The following DNAJB6 variants were observed in gnomAD, a reference collection of about 807,000 sequenced individuals.
DNAJB6 encodes the protein DnaJ heat shock protein family (Hsp40) member B6, also known as dnaJ homolog subfamily B member 6.
DNAJB6 carries 16 observed loss-of-function variants against 42.7 expected under a neutral mutation model. The observed-to-expected ratio is 0.37, with a 90% confidence interval of 0.25 to 0.57. The LOEUF (loss-of-function observed/expected upper bound fraction) is 0.57. Ranked by LOEUF, DNAJB6 falls within the 20% of genes least tolerant of loss-of-function variation. The pLI is 0.74. For synonymous variants in DNAJB6, 170 were observed against 163.5 expected (o/e 1.04, Z -0.30); for missense variants, 347 against 416.8 (o/e 0.83, Z 1.46).
chr7:157,341,927 C>T (rs1185759063), intron 1 of DNAJB6, among the ~76,000 whole-genome samples: 8 of 151,910 alleles, frequency 5.3e-5, no homozygotes, highest in African/African-American at 1.9e-4. Flanking sequence ...AGTGCAGTGT[C>T]GCGATCTTGG....
chr7:157,385,305 T>G (rs541393582), intron 7 of DNAJB6, among the ~76,000 whole-genome samples: 1 of 152,372 alleles, frequency 6.6e-6, no homozygotes, highest in South Asian at 2.1e-4. Flanking sequence ...TTATAGCCTC[T>G]GCATGTATTT....
At chr7:157,370,048 G>GAC (rs1563128851) in intron 5 of DNAJB6, among the ~76,000 whole-genome samples, 3 of 142,086 alleles carry the variant, frequency 2.1e-5, no homozygotes, top group Admixed American at 7.0e-5. Context: ...TATTAAACAG[G>GAC]TCTTTCATAA....
chr7:157,346,359 C>T (rs868137789), intron 1 of DNAJB6, among the ~76,000 whole-genome samples: 1 of 140,360 alleles, frequency 7.1e-6, no homozygotes, highest in Admixed American at 7.4e-5. Flanking sequence ...AACTTAGTTT[C>T]TCTGTGACTA....
chr7:157,390,534 A>G (rs1164031275), intron 8 of DNAJB6, among the ~76,000 whole-genome samples: 1 of 152,196 alleles, frequency 6.6e-6, no homozygotes, highest in Admixed American at 6.5e-5. Context: ...AAAACCATAG[A>G]GACCGGAGGT....
chr7:157,369,449 C>T (rs774076184), intron 5 of DNAJB6: 2 of 456,436 alleles, frequency 4.4e-6, no homozygotes, highest in African/African-American at 2.0e-5. Context: ...CTTCCAACAC[C>T]ATGGCTTCTC....
chr7:157,356,122 G>A (rs903378891), intron 1 of DNAJB6, among the ~76,000 whole-genome samples: 26 of 152,264 alleles, frequency 1.7e-4, no homozygotes, highest in African/African-American at 6.0e-4. Context: ...GGATGATCCA[G>A]ATGTCTGGCA....
rs1028216698 is a variant in DNAJB6 at position 157,343,477 on chromosome 7, A to G, written c.-27+6333A>G. ...GCCTCAGATGAATTTAGAAACCACT[A>G]TTTTTTTTTGAGATGGAGTCTTGCT... On this transcript the variant is annotated intron_variant, in intron 1 of 9. Coordinates refer to ENST00000262177, the MANE Select transcript of DNAJB6 (RefSeq NM_058246.4). Among the ~76,000 whole-genome samples the G allele has an allele frequency of 5.4e-5, 8 of 148,706 alleles. No homozygotes were observed. The East Asian group carries it at 1.2e-3, about 22-fold the overall frequency.
At chr7:157,340,012 G>T (rs1374731548) in intron 1 of DNAJB6, 1 of 152,242 alleles carries the variant, frequency 6.6e-6, no homozygotes, top group African/African-American at 2.4e-5. Flanking sequence ...TGGACTGGGT[G>T]TCACCGCGGG....
At chr7:157,343,929 G>A (rs1365616301) in intron 1 of DNAJB6, among the ~76,000 whole-genome samples, 5 of 152,078 alleles carry the variant, frequency 3.3e-5, no homozygotes, top group African/African-American at 1.2e-4. Context: ...TTAACAAACC[G>A]AGTTTTCCTA....
intron 6 of DNAJB6, among the ~76,000 whole-genome samples, chr7:157,383,607 G>T (rs994366238): frequency 1.4e-4 from 11 of 78,378 alleles, no homozygotes; most frequent in African/African-American, 6.0e-4. Flanking sequence ...TCCTGTATGT[G>T]TGTTTGTGTG....
At chr7:157,408,961 C>T (rs987027839) in intron 8 of DNAJB6, among the ~76,000 whole-genome samples, 1 of 152,166 alleles carries the variant, frequency 6.6e-6, no homozygotes, top group Non-Finnish European at 1.5e-5. Context: ...TGCGGAGGGA[C>T]GAGGAATCCC....
intron 1 of DNAJB6, among the ~76,000 whole-genome samples, chr7:157,342,857 TTCTG>T (rs1206917112): frequency 6.6e-6 from 1 of 152,216 alleles, no homozygotes; most frequent in African/African-American, 2.4e-5. Context: ...GGGAAATAAC[TTCTG>T]TGTTTGTTTC....
chr7:157,415,706 T>C (rs535814166), intron 9 of DNAJB6, among the ~76,000 whole-genome samples: 1 of 151,680 alleles, frequency 6.6e-6, no homozygotes, highest in East Asian at 2.0e-4. Context: ...CAGGGTGGGC[T>C]TCTAGCTCTG....
At chr7:157,346,579 AAGAT>A (rs1471829890) in intron 1 of DNAJB6, among the ~76,000 whole-genome samples, 2 of 152,174 alleles carry the variant, frequency 1.3e-5, no homozygotes, top group African/African-American at 4.8e-5. Flanking sequence ...GAGGAAAAAA[AAGAT>A]AGTGTTACCA....
chr7:157,360,035 G>A (rs1799498850), intron 2 of DNAJB6, among the ~76,000 whole-genome samples: 1 of 152,224 alleles, frequency 6.6e-6, no homozygotes, highest in Non-Finnish European at 1.5e-5. Flanking sequence ...ATACTTGACA[G>A]ATTATAAGAC....
intron 1 of DNAJB6, among the ~76,000 whole-genome samples, chr7:157,338,359 G>A: frequency 6.6e-6 from 1 of 151,494 alleles, no homozygotes. Flanking sequence ...TCCTGAGACG[G>A]AGTCTGTTCT....
chr7:157,374,876 G>C (rs1188960208), intron 5 of DNAJB6, among the ~76,000 whole-genome samples: 3 of 152,178 alleles, frequency 2.0e-5, no homozygotes, highest in Non-Finnish European at 2.9e-5. Context: ...TCTTTGTATA[G>C]TGTTTGGTTC....
intron 2 of DNAJB6, 34 bp from the exon 3 acceptor site, chr7:157,363,127 T>C (rs780782893): frequency 6.9e-7 from 1 of 1,446,304 alleles, no homozygotes; most frequent in East Asian, 2.3e-5. Context: ...TTTCTGGATT[T>C]AGAATGTGAT....
Position 157,376,504 on chromosome 7 carries a change from T to C in DNAJB6, c.347-5742T>C, listed in dbSNP as rs184047269. Among the ~76,000 whole-genome samples, 244 of 152,312 alleles carry C rather than the reference T, an allele frequency of 1.6e-3. 1 individual carries two copies. The highest frequency in any genetic ancestry group is 0.01 in the Middle Eastern group (3 of 292). ...GAAGAGATGTATTCTGAGCCAAATATAAGTGACCATGCTGGTGACACAGCC... is the reference window on the plus strand; with the variant it reads ...GAAGAGATGTATTCTGAGCCAAATACAAGTGACCATGCTGGTGACACAGCC... On this transcript the variant is annotated intron_variant, in intron 5 of 9. Coordinates refer to ENST00000262177, the MANE Select transcript of DNAJB6 (RefSeq NM_058246.4).
Sources: gnomAD v4.1 joint callset for allele counts (sites outside exome capture counted in the v4.1 genomes callset) on GRCh38, gnomAD v4.1.1 for gene constraint, MANE v1.5 for transcripts, NCBI Gene and HGNC (gene_info 2026-07-23, HGNC 2026-07-21) for gene names.